Variants in TACO1 observed in about 807,000 individuals in gnomAD.
TACO1 encodes the protein translational activator of cytochrome c oxidase 1.
TACO1 carries 13 observed loss-of-function variants against 24.0 expected under a neutral mutation model. That is an observed-to-expected ratio of 0.54 (90% CI 0.35 to 0.86). The LOEUF (loss-of-function observed/expected upper bound fraction) is 0.86. Among genes scored for constraint, TACO1 ranks in the 40% least tolerant of loss-of-function variants. The pLI, the probability that TACO1 is intolerant of heterozygous loss-of-function variation, is 0.01. For synonymous variants in TACO1, 149 were observed against 153.5 expected, an observed-to-expected ratio of 0.97 and a Z score of 0.22; for missense variants, 352 against 380.1, an observed-to-expected ratio of 0.93 and a Z score of 0.61.
intron 4 of TACO1, 113 bp from the exon 5 acceptor site, chr17:63,607,689 G>A (rs772825541): frequency 8.1e-6 from 9 of 1,113,732 alleles, no homozygotes; most frequent in Non-Finnish European, 1.2e-5. Flanking sequence ...CCAGTGAAGA[G>A]CTCAAACCCA....
At chr17:63,607,058 C>A in intron 3 of TACO1, 1 of 586,434 alleles carries the variant, frequency 1.7e-6, no homozygotes. Flanking sequence ...TCAGCTAAGT[C>A]TGCTTCCTCC....
chr17:63,601,374 G>C lies in TACO1; in HGVS notation c.280+11G>C. On this transcript the variant is annotated intron_variant, in intron 1 of 4. Coordinates refer to ENST00000258975, the MANE Select transcript of TACO1 (RefSeq NM_016360.4). ...GCCTGGCAGTGAAAGGTGAGACCCT[G>C]ACGGTCACCCAGCACTGGCTGCCGC... is the stretch of plus-strand genomic sequence containing the variant. 1 of 1,611,246 alleles carries C rather than the reference G, an allele frequency of 6.2e-7. No homozygotes were observed. The highest frequency in any genetic ancestry group is 8.5e-7 in the Non-Finnish European group (1 of 1,179,804).
intron 2 of TACO1, among the ~76,000 whole-genome samples, chr17:63,605,618 G>A (rs1438692038): frequency 1.3e-5 from 2 of 152,172 alleles, no homozygotes; most frequent in African/African-American, 2.4e-5. Flanking sequence ...TGCTCTAACC[G>A]TTATGCTTAT....
At chr17:63,602,426 T>C (rs2033829470) in intron 1 of TACO1, among the ~76,000 whole-genome samples, 1 of 152,160 alleles carries the variant, frequency 6.6e-6, no homozygotes, top group South Asian at 2.1e-4. Flanking sequence ...ATCATAGGCA[T>C]TCAGTTAATG....
chr17:63,607,340 T>C lies in TACO1; in HGVS notation c.569T>C (p.Val190Ala). Residue 190 changes from valine (V) to alanine (A), a missense_variant, in exon 4 of 5, where the codon GTG becomes GCG. Val to Ala is a moderately conservative substitution (Grantham distance 64, BLOSUM62 0). Transcript: ENST00000258975. ...TCTTTTGACAAAAAGGGGGTGATTG[T>C]GGTTGAAGTGGAGGACAGAGAGAAG... ...RHSFDKKGVI[V>A]VEVEDREKKA... is the part of the protein sequence containing the mutation. 2 of 1,614,090 alleles carry C rather than the reference T, an allele frequency of 1.2e-6. No homozygotes were observed. Among genetic ancestry groups the C allele is most frequent in the Non-Finnish European group, 1.7e-6 (2 of 1,180,014 alleles).
rs776299397 is a variant in TACO1, at chr17:63,607,809, G to T, written c.701G>T (p.Cys234Phe). The T allele has an allele frequency of 6.2e-7, 1 of 1,613,798 alleles. No individual in the cohort carries two copies. Among genetic ancestry groups the T allele is most frequent in the African/African-American group, 1.3e-5 (1 of 74,864 alleles). Reference protein sequence around the residue: ...EEERNVFKFICDASSLHQVRK... With the variant: ...EEERNVFKFIFDASSLHQVRK... ...ACTTTCCTTTATCCCTAGTTTATTT[G>T]TGATGCCTCTTCACTGCACCAAGTG... Residue 234 changes from cysteine to phenylalanine, a missense_variant, in exon 5 of 5, where the codon TGT (cysteine) becomes TTT (phenylalanine). Transcript: ENST00000258975.
Position 63,601,215 on chromosome 17 carries a change from C to A in TACO1, c.132C>A (p.Ala44=), listed in dbSNP as rs529225088. 19 of 1,587,130 alleles carry A rather than the reference C, an allele frequency of 1.2e-5. No homozygotes were observed. In the East Asian group the frequency reaches 4.1e-4, roughly 34 times the overall value. ...PSHPEPRGCG[A]APGRTLHFTA... is the part of the protein sequence containing the mutation. ...ACCCCGAGCCCCGGGGCTGCGGTGC[C>A]GCTCCGGGCAGGACGCTGCACTTTA... The change falls in exon 1 of 5, where the codon GCC becomes GCA. Residue 44 remains alanine (A), a synonymous_variant. Coordinates refer to ENST00000258975, the MANE Select transcript of TACO1 (RefSeq NM_016360.4).
At chr17:63,604,168 T>G (rs1371373668) in intron 1 of TACO1, among the ~76,000 whole-genome samples, 2 of 151,358 alleles carry the variant, frequency 1.3e-5, no homozygotes, top group Non-Finnish European at 2.9e-5. Flanking sequence ...CGAAACCTGG[T>G]CTCTACTAAA....
chr17:63,601,035 C>A lies in TACO1; in HGVS notation c.-49C>A. 6.5e-7 allele frequency: 1 copy of A among 1,533,108 alleles called. No homozygotes were observed. The highest frequency in any genetic ancestry group is 8.7e-7 in the Non-Finnish European group (1 of 1,144,196). 95.0% of individuals were successfully genotyped at this position (1,533,108 alleles called of 1,614,324 possible). A position where few individuals can be genotyped will look rare whatever the true frequency, so the allele number is the denominator to read the frequency against. On this transcript the variant is annotated 5_prime_UTR_variant, in exon 1 of 5. Transcript: ENST00000258975. The stretch of plus-strand genomic sequence containing the variant: ...TTGTTCCGGCAGTGGAAGAGACGCG[C>A]CGGCGTTGGCCGCTGCTGCTAGCAG...
At position 63,604,615 on chromosome 17, in the gene TACO1, C is replaced by T. The variant is rs767143234; in HGVS notation, c.362C>T (p.Thr121Met). ...VCRSKHMPKS[T>M]IETALKMEKS... ...CGCAGCAAACATATGCCCAAGTCAA[C>T]GATTGAGACAGCACTGAAAATGGAG... The change falls in exon 2 of 5, where the codon ACG (threonine) becomes ATG (methionine). Residue 121 changes from threonine (T) to methionine (M), a missense_variant. Coordinates refer to ENST00000258975, the MANE Select transcript of TACO1 (RefSeq NM_016360.4). 43 of 1,613,918 alleles carry T rather than the reference C, an allele frequency of 2.7e-5. No homozygotes were observed. The highest frequency in any genetic ancestry group is 4.5e-5 in the East Asian group (2 of 44,890).
rs750642513 is a variant in TACO1, at chr17:63,607,970, G to T, written c.862G>T (p.Asp288Tyr). The T allele has an allele frequency of 3.1e-6, 5 of 1,614,174 alleles. No homozygotes were observed. In the East Asian group the frequency reaches 6.7e-5, roughly 22 times the overall value. The change falls in exon 5 of 5, where the codon GAT (aspartate) becomes TAT (tyrosine). Residue 288 changes from aspartate (D) to tyrosine (Y), a missense_variant. Transcript: ENST00000258975. ...HLIQALSNHE[D>Y]VIHVYDNIE ...CATTCAGGCTCTCAGCAACCACGAG[G>T]ATGTGATTCACGTCTATGATAACAT...
chr17:63,606,101 C>T (rs986929965), intron 2 of TACO1, among the ~76,000 whole-genome samples: 2 of 152,048 alleles, frequency 1.3e-5, no homozygotes, highest in Non-Finnish European at 2.9e-5. Flanking sequence ...TGTTCAGGGA[C>T]CGGAGAAACA....
In TACO1 at chr17:63,608,137, C is replaced by T. The variant is rs368363619; in HGVS notation, c.*135C>T. ...CCAGGAGGCCCAAGGACAGGACTTG[C>T]GACCTTGAAGCCAAAGGAATCTCAC... On this transcript the variant is annotated 3_prime_UTR_variant, in exon 5 of 5. Coordinates refer to ENST00000258975, the MANE Select transcript of TACO1 (RefSeq NM_016360.4). 6.2e-6 allele frequency: 6 copies of T among 967,684 alleles called. No homozygotes were observed. The highest frequency in any genetic ancestry group is 4.0e-5 in the Admixed American group (2 of 50,108). 59.9% of individuals were successfully genotyped at this position (967,684 alleles called of 1,614,324 possible). A position where few individuals can be genotyped will look rare whatever the true frequency, so the allele number is the denominator to read the frequency against.
intron 2 of TACO1, 128 bp downstream of exon 2, chr17:63,604,768 C>G: frequency 2.3e-6 from 2 of 857,662 alleles, no homozygotes; most frequent in Non-Finnish European, 3.9e-6. Flanking sequence ...AATCCCAGCA[C>G]TTTGGGAGGC....
chr17:63,607,208 A>G lies in TACO1; in HGVS notation c.516-79A>G, dbSNP rs893955297. 9.4e-6 allele frequency: 12 copies of G among 1,279,254 alleles called. No homozygotes were observed. The African/African-American group carries it at 1.2e-4, about 12-fold the overall frequency. 79.2% of individuals were successfully genotyped at this position (1,279,254 alleles called of 1,614,324 possible). A position where few individuals can be genotyped will look rare whatever the true frequency, so the allele number is the denominator to read the frequency against. Reference sequence around the variant, plus strand: ...TTCATAGACTGGGTAAGAAAGAGACAGTGATAGAATGATGAGCTTTATGGA... The same window carrying G: ...TTCATAGACTGGGTAAGAAAGAGACGGTGATAGAATGATGAGCTTTATGGA... On this transcript the variant is annotated intron_variant, in intron 3 of 4. Transcript: ENST00000258975.
intron 3 of TACO1, chr17:63,606,878 A>G: frequency 2.8e-6 from 1 of 360,290 alleles, no homozygotes; most frequent in Non-Finnish European, 5.3e-6. Flanking sequence ...AGCAGAATCT[A>G]ATGAGTTAAT....
chr17:63,602,808 G>A (rs1421820908), intron 1 of TACO1, among the ~76,000 whole-genome samples: 1 of 152,098 alleles, frequency 6.6e-6, no homozygotes, highest in Non-Finnish European at 1.5e-5. Context: ...GGGATTGCAG[G>A]TATCAGCCAC....
intron 1 of TACO1, among the ~76,000 whole-genome samples, chr17:63,604,107 G>T (rs201024220): frequency 3.9e-5 from 6 of 152,020 alleles, no homozygotes; most frequent in Non-Finnish European, 8.8e-5. Context: ...GGAGGCCAAG[G>T]TGTGTGGATC....
chr17:63,607,431 A>C lies in TACO1; in HGVS notation c.660A>C (p.Glu220Asp), dbSNP rs771873133. Residue 220 changes from glutamate to aspartate, a missense_variant, in exon 4 of 5, where the codon GAA becomes GAC. By Grantham distance (45) the Glu-to-Asp change is conservative (BLOSUM62 2). Transcript: ENST00000258975. ...AAGCAGGAGCTGAGGATGTCAAGGAAACTGAAGATGAAGAAGAAAGGAACG... is the reference window on the plus strand; with the variant it reads ...AAGCAGGAGCTGAGGATGTCAAGGACACTGAAGATGAAGAAGAAAGGAACG... ...AIEAGAEDVK[E>D]TEDEEERNVF... The C allele has an allele frequency of 2.5e-6, 4 of 1,614,116 alleles. No homozygotes were observed. Among genetic ancestry groups the C allele is most frequent in the Non-Finnish European group, 2.5e-6 (3 of 1,180,052 alleles).
Sources: gnomAD v4.1 joint callset for allele counts (sites outside exome capture counted in the v4.1 genomes callset) on GRCh38, gnomAD v4.1.1 for gene constraint, MANE v1.5 for transcripts, NCBI Gene and HGNC (gene_info 2026-07-23, HGNC 2026-07-21) for gene names.